The following RIPOR3 variants were observed in gnomAD, a reference collection of about 807,000 sequenced individuals.
The protein encoded by RIPOR3 is family with sequence similarity 65 member C.
Under a neutral mutation model 114.3 loss-of-function variants are expected in RIPOR3, and 95 were observed. The observed-to-expected ratio is 0.83, with a 90% CI of 0.70 to 0.99. The LOEUF (loss-of-function observed/expected upper bound fraction) is 0.99, where lower values mean the gene tolerates loss of function less well. RIPOR3 is among the 50% of genes least tolerant of loss of function. The probability of loss-of-function intolerance (pLI) is 0.00; values close to 1 mark genes in which losing one functional copy is unlikely to be tolerated. For synonymous variants in RIPOR3, 575 were observed against 543.8 expected, an observed-to-expected ratio of 1.06 and a Z score of -0.80; for missense variants, 1,252 against 1,266.9, an observed-to-expected ratio of 0.99 and a Z score of 0.18.
rs201613268 is a variant in RIPOR3, at chr20:50,592,388, C to T, written c.2533G>A (p.Ala845Thr). 2.7e-5 allele frequency: 43 copies of T among 1,605,682 alleles called. No individual in the cohort carries two copies. Among genetic ancestry groups the T allele is most frequent in the East Asian group, 1.6e-4 (7 of 44,560 alleles). ...GTPRVCRAAS[A>T]RLAGAVRNRS... ...TTCCTGACTGCACCAGCCAGGCGAG[C>T]GCTGGCCGCCCTGCACACCCTCGGA... The change falls in exon 19 of 22, where the codon GCT (alanine) becomes ACT (threonine). Residue 845 changes from alanine to threonine, a missense_variant. Transcript: ENST00000327979.
intron 19 of RIPOR3, among the ~76,000 whole-genome samples, chr20:50,591,676 G>A (rs1159966113): frequency 6.6e-6 from 1 of 152,204 alleles, no homozygotes; most frequent in Non-Finnish European, 1.5e-5. Flanking sequence ...TAAACGTACA[G>A]TAGTTACAGG....
At position 50,665,283 on chromosome 20, in the gene RIPOR3, C is replaced by CAA. The variant is rs546774316; in HGVS notation, c.3+25841_3+25842dup. Among the ~76,000 whole-genome samples, 546 of 134,550 alleles carry CAA rather than the reference C, an allele frequency of 4.1e-3. 2 individuals are homozygous for CAA. The highest frequency in any genetic ancestry group is 8.6e-3 in the East Asian group (39 of 4,526). The allele number at this position is 134,550 out of a possible 152,430, so 88.3% of individuals were successfully genotyped here. ...AAAACCCTGACTCTACTAAAAATACCAAAAAAAAAAAAAAAATGCTGGACG... is the reference window on the plus strand; with the variant it reads ...AAAACCCTGACTCTACTAAAAATACCAAAAAAAAAAAAAAAAAATGCTGGACG... On this transcript the variant is annotated intron_variant, in intron 1 of 21. Coordinates refer to ENST00000327979, the MANE Select transcript of RIPOR3 (RefSeq NM_001290268.2).
At chr20:50,611,351 C>A in intron 4 of RIPOR3, 147 bp from the exon 5 acceptor site, 1 of 982,528 alleles carries the variant, frequency 1.0e-6, no homozygotes, top group South Asian at 1.4e-5. Context: ...ACTCCTTCCT[C>A]TGCCAACGGC....
intron 1 of RIPOR3, among the ~76,000 whole-genome samples, chr20:50,638,454 G>T (rs2085067525): frequency 1.3e-5 from 2 of 152,226 alleles, no homozygotes; most frequent in South Asian, 4.1e-4. Flanking sequence ...GATGACTCAT[G>T]AATTTCTTTG....
At chr20:50,649,738 G>T (rs1013750970) in intron 1 of RIPOR3, among the ~76,000 whole-genome samples, 1 of 152,224 alleles carries the variant, frequency 6.6e-6, no homozygotes, top group African/African-American at 2.4e-5. Flanking sequence ...TGACCCAATG[G>T]GGTGAGTTTA....
At chr20:50,620,768 C>A (rs182037372) in intron 2 of RIPOR3, 248 of 862,154 alleles carry the variant, frequency 2.9e-4, no homozygotes, top group Admixed American at 6.8e-4. Context: ...CATGGCTCTG[C>A]GCTACCCTAT....
intron 1 of RIPOR3, among the ~76,000 whole-genome samples, chr20:50,659,126 G>A (rs574824458): frequency 8.5e-5 from 13 of 152,068 alleles, no homozygotes; most frequent in Admixed American, 4.6e-4. Flanking sequence ...CCTTTTCCTG[G>A]TATGAAAGAA....
chr20:50,597,817 G>GCCCCAAT (rs1263922654), intron 13 of RIPOR3, 107 bp from the exon 14 acceptor site: 10 of 1,461,370 alleles, frequency 6.8e-6, no homozygotes, highest in Non-Finnish European at 8.2e-6. Context: ...CCGGTCCCAA[G>GCCCCAAT]CCCCAATCCC....
chr20:50,587,287 G>T lies in RIPOR3; in HGVS notation c.2798C>A (p.Ser933Ter). ...LAFEKMDKLCSEQREVFCQEA... is the reference protein window; with the variant it reads ...LAFEKMDKLC The stretch of plus-strand genomic sequence containing the variant: ...CTGGCAAAAGACTTCTCTTTGTTCT[G>T]AGCAGAGCTTGTCCATCTTCTCAAA... Residue 933 changes from serine to a stop codon, truncating the protein, a stop_gained, in exon 22 of 22, where the codon TCA (serine) becomes TAA (stop). Coordinates refer to ENST00000327979, the MANE Select transcript of RIPOR3 (RefSeq NM_001290268.2). LOFTEE classifies it high-confidence loss of function. 1 of 1,614,206 alleles carries T rather than the reference G, an allele frequency of 6.2e-7. No homozygotes were observed. The highest frequency in any genetic ancestry group is 8.5e-7 in the Non-Finnish European group (1 of 1,180,036).
chr20:50,679,768 C>A (rs868357796), intron 1 of RIPOR3, among the ~76,000 whole-genome samples: 91 of 135,864 alleles, frequency 6.7e-4, no homozygotes, highest in East Asian at 6.4e-4. Flanking sequence ...GACTCTGTCT[C>A]AAAAAAAAAA....
At chr20:50,685,613 C>G (rs2086990794) in intron 1 of RIPOR3, among the ~76,000 whole-genome samples, 1 of 150,940 alleles carries the variant, frequency 6.6e-6, no homozygotes, top group African/African-American at 2.4e-5. Context: ...CACCTGAGGT[C>G]AGGAGTTTGA....
In RIPOR3 at chr20:50,631,370, G is replaced by A. The variant is rs1431829454; in HGVS notation, c.4-514C>T. On this transcript the variant is annotated intron_variant, in intron 1 of 21. Transcript: ENST00000327979. ...GAATCTGACCCAGCCATGAAGAGGC[G>A]CCCAAGAGCTGAGTAGGAAGGCTGA... Among the ~76,000 whole-genome samples, 5 of 152,176 alleles carry A rather than the reference G, an allele frequency of 3.3e-5. No homozygotes were observed. In the East Asian group the frequency reaches 5.8e-4, roughly 18 times the overall value.
intron 1 of RIPOR3, among the ~76,000 whole-genome samples, chr20:50,666,335 C>T (rs1459273068): frequency 6.7e-6 from 1 of 150,344 alleles, no homozygotes; most frequent in African/African-American, 2.5e-5. Context: ...AGCAATTCTC[C>T]TGCTTCAGCC....
Position 50,643,175 on chromosome 20 carries a change from T to C in RIPOR3, c.4-12319A>G, listed in dbSNP as rs144944292. ...TCTCGCTCTGTCGCCCAGGCGGAAG[T>C]GCAGTGGCTGGATCTTGGCTCACTG... On this transcript the variant is annotated intron_variant, in intron 1 of 21. Coordinates refer to ENST00000327979, the MANE Select transcript of RIPOR3 (RefSeq NM_001290268.2). 3.5e-3 allele frequency among the ~76,000 whole-genome samples: 520 copies of C among 150,330 alleles called. 7 individuals are homozygous for C. The highest frequency in any genetic ancestry group is 0.012 in the African/African-American group (492 of 40,726).
chr20:50,673,770 C>T (rs2086600714), intron 1 of RIPOR3, among the ~76,000 whole-genome samples: 1 of 152,252 alleles, frequency 6.6e-6, no homozygotes. Context: ...AAGAAACAGC[C>T]TTGTCCTGCC....
At chr20:50,632,682 A>C (rs1223600087) in intron 1 of RIPOR3, among the ~76,000 whole-genome samples, 1 of 152,220 alleles carries the variant, frequency 6.6e-6, no homozygotes, top group Admixed American at 6.5e-5. Context: ...CCCTGCACTA[A>C]ATGCTTTATG....
chr20:50,679,135 A>AAAAATATATATATAT (rs2086773516), intron 1 of RIPOR3, among the ~76,000 whole-genome samples: 3 of 20,768 alleles, frequency 1.4e-4, no homozygotes, highest in African/African-American at 3.9e-4. Flanking sequence ...AAAAAAAAAA[A>AAAAATATATATATAT]ATATATATAT....
At chr20:50,674,622 G>T (rs2086627744) in intron 1 of RIPOR3, among the ~76,000 whole-genome samples, 1 of 148,746 alleles carries the variant, frequency 6.7e-6, no homozygotes, top group South Asian at 2.3e-4. Context: ...ATTAGGGTAG[G>T]CCCTAAGTCT....
Position 50,691,293 on chromosome 20 carries a change from G to T in RIPOR3, c.-165C>A. The T allele has an allele frequency of 2.3e-6, 2 of 877,506 alleles. No individual in the cohort carries two copies. Among genetic ancestry groups the T allele is most frequent in the Non-Finnish European group, 3.2e-6 (2 of 631,372 alleles). 54.4% of individuals were successfully genotyped at this position (877,506 alleles called of 1,614,324 possible). A position where few individuals can be genotyped will look rare whatever the true frequency, so the allele number is the denominator to read the frequency against. On this transcript the variant is annotated 5_prime_UTR_variant, in exon 1 of 22. Coordinates refer to ENST00000327979, the MANE Select transcript of RIPOR3 (RefSeq NM_001290268.2). ...ACACTGGCCACCAGCCGCTGGTCCC[G>T]CTCTCTGGGAAGATCGCCTTGAGGA...
Sources: gnomAD v4.1 joint callset for allele counts (sites outside exome capture counted in the v4.1 genomes callset) on GRCh38, gnomAD v4.1.1 for gene constraint, MANE v1.5 for transcripts, NCBI Gene and HGNC (gene_info 2026-07-23, HGNC 2026-07-21) for gene names.